Variants in PHEX observed in about 807,000 individuals in gnomAD.
PHEX encodes the protein phosphate regulating endopeptidase X-linked.
A neutral mutation model predicts 68.0 loss-of-function variants in PHEX; 16 were observed. That is an observed-to-expected ratio of 0.24 (90% CI 0.16 to 0.36). The LOEUF (loss-of-function observed/expected upper bound fraction) is 0.36, where lower values mean the gene tolerates loss of function less well. Ranked by LOEUF, PHEX falls within the 10% of genes least tolerant of loss-of-function variation. The pLI is 1.00. For synonymous variants in PHEX, 208 were observed against 205.1 expected, an observed-to-expected ratio of 1.01 and a Z score of -0.12; for missense variants, 480 against 575.5, an observed-to-expected ratio of 0.83 and a Z score of 1.70.
chrX:22,134,285 C>T (rs1206130896), intron 12 of PHEX, among the ~76,000 whole-genome samples: 1 of 112,251 alleles, frequency 8.9e-6, no homozygotes, highest in Non-Finnish European at 1.9e-5. Context: ...TATTGACAGC[C>T]ATGCTGTTTA....
intron 20 of PHEX, among the ~76,000 whole-genome samples, chrX:22,238,976 G>A (rs1936084976): frequency 9.0e-6 from 1 of 111,727 alleles, no homozygotes; most frequent in Non-Finnish European, 1.9e-5. Context: ...ATACAGGAGA[G>A]CTCTCACTAG....
chrX:22,111,860 T>C (rs1326326520), intron 10 of PHEX, among the ~76,000 whole-genome samples: 1 of 112,305 alleles, frequency 8.9e-6, no homozygotes, highest in Non-Finnish European at 1.9e-5. Flanking sequence ...ATTCCCATTT[T>C]CCCCCAGAGT....
At chrX:22,058,744 ATAAC>A (rs1398839252) in intron 3 of PHEX, among the ~76,000 whole-genome samples, 1 of 112,394 alleles carries the variant, frequency 8.9e-6, no homozygotes. Flanking sequence ...AAAAATAAGA[ATAAC>A]TATCCTCTTA....
chrX:22,041,052 G>A (rs1056308368), intron 2 of PHEX, among the ~76,000 whole-genome samples: 1 of 108,537 alleles, frequency 9.2e-6, no homozygotes, highest in Admixed American at 9.9e-5. Context: ...TGAAGGATTC[G>A]ATGCAGGCTG....
intron 18 of PHEX, among the ~76,000 whole-genome samples, chrX:22,224,487 T>G (rs557715022): frequency 1.8e-5 from 2 of 111,670 alleles, no homozygotes; most frequent in African/African-American, 6.5e-5. Context: ...GGTTATAACC[T>G]CCCAGCGGTC....
chrX:22,076,975 T>C (rs1280808255), intron 4 of PHEX, among the ~76,000 whole-genome samples: 1 of 112,129 alleles, frequency 8.9e-6, no homozygotes, highest in African/African-American at 3.2e-5. Flanking sequence ...TGGTCTGCCT[T>C]CTCAAGCCCA....
At chrX:22,200,754 G>A (rs981336702) in intron 15 of PHEX, among the ~76,000 whole-genome samples, 2 of 111,814 alleles carry the variant, frequency 1.8e-5, no homozygotes, top group African/African-American at 6.5e-5. Flanking sequence ...TTCACTGGTT[G>A]GGGGATTGTT....
intron 16 of PHEX, 41 bp downstream of exon 16, chrX:22,212,999 GA>G: frequency 1.0e-6 from 1 of 980,411 alleles, no homozygotes; most frequent in Non-Finnish European, 1.5e-6. Flanking sequence ...GACCAATTAG[GA>G]AGAACATGTT....
chrX:22,178,322 A>C lies in PHEX; in HGVS notation c.1532A>C (p.Lys511Thr), dbSNP rs778363445. 11 of 1,204,152 alleles carry C rather than the reference A, an allele frequency of 9.1e-6. No individual in the cohort carries two copies. The highest frequency in any genetic ancestry group is 4.4e-5 in the Admixed American group (2 of 45,631). ...TTTGGCAACGTCCTACAAACTCGCA[A>C]GTATTTAGCACAGTCTGATTTCTTC... ...DYFGNVLQTR[K>T]YLAQSDFFWL... Residue 511 changes from lysine (K) to threonine (T), a missense_variant, in exon 14 of 22, where the codon AAG (lysine) becomes ACG (threonine). By Grantham distance (78) the Lys-to-Thr change is moderately conservative. Coordinates refer to ENST00000379374, the MANE Select transcript of PHEX (RefSeq NM_000444.6).
intron 12 of PHEX, among the ~76,000 whole-genome samples, chrX:22,153,526 G>A (rs985664780): frequency 9.0e-5 from 10 of 111,451 alleles, no homozygotes; most frequent in Non-Finnish European, 1.7e-4. Flanking sequence ...GTGGGGATAC[G>A]GTCCTGTCAG....
chrX:22,194,885 G>C (rs1372611642), intron 15 of PHEX, among the ~76,000 whole-genome samples: 1 of 112,498 alleles, frequency 8.9e-6, no homozygotes, highest in Non-Finnish European at 1.9e-5. Flanking sequence ...GTTAAACTCA[G>C]TAGCTGTCAT....
chrX:22,217,897 T>G (rs1935142572), intron 16 of PHEX, among the ~76,000 whole-genome samples: 1 of 111,502 alleles, frequency 9.0e-6, no homozygotes, highest in Non-Finnish European at 1.9e-5. Context: ...TTAATATGCT[T>G]TGCTATGTAA....
chrX:22,219,625 T>TATTATC (rs60326941), intron 17 of PHEX, among the ~76,000 whole-genome samples: 21,386 of 110,089 alleles, frequency 0.19, 1,779 homozygotes, highest in African/African-American at 0.3. Context: ...TTATTATTAT[T>TATTATC]ATTATCATTA....
chrX:22,233,376 T>C (rs1935839249), intron 20 of PHEX, among the ~76,000 whole-genome samples: 2 of 111,564 alleles, frequency 1.8e-5, no homozygotes, highest in Non-Finnish European at 3.8e-5. Context: ...GGAGGGGAAG[T>C]TCTCCTGGAT....
chrX:22,120,027 G>T (rs1489429664), intron 11 of PHEX, among the ~76,000 whole-genome samples: 1 of 111,661 alleles, frequency 9.0e-6, no homozygotes, highest in Non-Finnish European at 1.9e-5. Flanking sequence ...GTCACCATGG[G>T]CCTAGTTGTG....
intron 14 of PHEX, among the ~76,000 whole-genome samples, chrX:22,180,005 C>CT (rs1265440836): frequency 4.9e-4 from 48 of 97,221 alleles, no homozygotes; most frequent in East Asian, 9.4e-4. Flanking sequence ...TTTTCTGAGG[C>CT]TTTTTTTTTT....
At chrX:22,211,442 A>C (rs1934920445) in intron 15 of PHEX, among the ~76,000 whole-genome samples, 1 of 112,348 alleles carries the variant, frequency 8.9e-6, no homozygotes, top group Admixed American at 9.4e-5. Context: ...AATATTGTGC[A>C]ATGTCAGTTT....
Position 22,116,008 on chromosome X carries a change from T to C in PHEX, c.1302+1422T>C, listed in dbSNP as rs756354753. The stretch of plus-strand genomic sequence containing the variant: ...TGGCTGGATTGAATGGTAGTCCTAT[T>C]TTTATTTTTTTGAAGATTTTCCATG... On this transcript the variant is annotated intron_variant, in intron 11 of 21. Transcript: ENST00000379374. 5.3e-5 allele frequency among the ~76,000 whole-genome samples: 6 copies of C among 112,369 alleles called. No individual in the cohort carries two copies. In the South Asian group the frequency reaches 2.2e-3, roughly 41 times the overall value.
chrX:22,064,474 T>A (rs1335914789), intron 3 of PHEX, among the ~76,000 whole-genome samples: 1 of 112,068 alleles, frequency 8.9e-6, no homozygotes, highest in African/African-American at 3.2e-5. Flanking sequence ...CTGCAAAGGA[T>A]GATCTCATTC....
Sources: allele counts gnomAD v4.1 joint callset (sites outside exome capture counted in the v4.1 genomes callset), GRCh38; gene constraint gnomAD v4.1.1; transcripts MANE v1.5; gene names NCBI Gene and HGNC (gene_info 2026-07-23, HGNC 2026-07-21).